The following ENKUR variants were observed in gnomAD, a reference collection of about 807,000 sequenced individuals.
ENKUR encodes the protein enkurin.
A neutral mutation model predicts 27.6 loss-of-function variants in ENKUR; 19 were observed. The ratio of observed to expected loss-of-function variants is 0.69; its 90% CI spans 0.48 to 1.01. The LOEUF is 1.01. Among genes scored for constraint, ENKUR ranks in the 50% least tolerant of loss-of-function variants. The pLI is 0.00. For missense variants in ENKUR, 312 were observed against 310.5 expected, an observed-to-expected ratio of 1.00 and a Z score of -0.04; for synonymous variants, 117 against 96.9, an observed-to-expected ratio of 1.21 and a Z score of -1.22.
intron 2 of ENKUR, chr10:25,023,072 C>A: frequency 1.4e-6 from 1 of 721,824 alleles, no homozygotes; most frequent in Non-Finnish European, 2.2e-6. Flanking sequence ...GTTTATGTAC[C>A]ATGGGCATGG....
chr10:25,058,305 T>G (rs1851282998), intron 2 of ENKUR, among the ~76,000 whole-genome samples: 1 of 152,060 alleles, frequency 6.6e-6, no homozygotes, highest in South Asian at 2.1e-4. Context: ...ACTCCTGGGT[T>G]CAAGTGATCC....
intron 5 of ENKUR, 80 bp downstream of exon 5, chr10:24,984,656 G>T: frequency 7.4e-7 from 1 of 1,345,922 alleles, no homozygotes. Flanking sequence ...TTTCCTTTTT[G>T]AAAAACTTGG....
intron 1 of ENKUR, 24 bp downstream of exon 1, chr10:25,015,836 G>A: frequency 6.3e-7 from 1 of 1,578,342 alleles, no homozygotes; most frequent in Non-Finnish European, 8.6e-7. Flanking sequence ...TGTTTCAAGT[G>A]ATAGTCTTTG....
chr10:24,987,785 T>C (rs767086880), intron 4 of ENKUR, among the ~76,000 whole-genome samples: 3 of 152,166 alleles, frequency 2.0e-5, no homozygotes, highest in African/African-American at 7.2e-5. Context: ...TTGATAGTTT[T>C]GTGACCAAAG....
In ENKUR at chr10:25,015,801, A is replaced by C; in HGVS notation, c.77+59T>G. On this transcript the variant is annotated intron_variant, in intron 1 of 5. Transcript: ENST00000331161. The stretch of plus-strand genomic sequence containing the variant: ...AAAAATTCCAGTATATGTATGCTTA[A>C]TTAATACTGAGTATTCCCCATTCTT... 9 of 1,473,074 alleles carry C rather than the reference A, an allele frequency of 6.1e-6. 1 individual carries two copies. Among genetic ancestry groups the C allele is most frequent in the Non-Finnish European group, 8.2e-6 (9 of 1,096,014 alleles). The allele number at this position is 1,473,074 out of a possible 1,614,324, so 91.3% of individuals were successfully genotyped here. A position where few individuals can be genotyped will look rare whatever the true frequency, so the allele number is the denominator to read the frequency against.
chr10:24,984,823 C>G lies in ENKUR; in HGVS notation c.677G>C (p.Arg226Pro). 1 of 1,613,578 alleles carries G rather than the reference C, an allele frequency of 6.2e-7. No homozygotes were observed. The highest frequency in any genetic ancestry group is 1.1e-5 in the South Asian group (1 of 91,034). ...VFIDSIPKKI[R>P]KQRLEEEMKQ... ...CATTTCTTCTTCCAGCCTCTGCTTG[C>G]GGATCTTCTTTGGTATAGAATCTAT... Residue 226 changes from arginine to proline, a missense_variant, in exon 5 of 6, where the codon CGC becomes CCC. Coordinates refer to ENST00000331161, the MANE Select transcript of ENKUR (RefSeq NM_145010.4).
At chr10:25,009,722 G>A (rs1850396531) in intron 1 of ENKUR, among the ~76,000 whole-genome samples, 1 of 152,126 alleles carries the variant, frequency 6.6e-6, no homozygotes, top group Admixed American at 6.5e-5. Context: ...GAATCATGGG[G>A]GTAGGTCTTT....
intron 2 of ENKUR, among the ~76,000 whole-genome samples, chr10:25,041,928 T>G (rs1309333491): frequency 6.6e-6 from 1 of 152,090 alleles, no homozygotes; most frequent in East Asian, 1.9e-4. Context: ...ATGAAACTTG[T>G]GATCCCGAAT....
At chr10:24,994,211 TTTTTTCTTTATCTCTCTTCC>T (rs1360153397) in intron 3 of ENKUR, among the ~76,000 whole-genome samples, 1 of 152,122 alleles carries the variant, frequency 6.6e-6, no homozygotes, top group Non-Finnish European at 1.5e-5. Flanking sequence ...TTTCTTTTCT[TTTTTTCTTTATCTCTCTTCC>T]TTTTTCTTTA....
At chr10:25,051,058 T>A (rs75276170) in intron 2 of ENKUR, among the ~76,000 whole-genome samples, 3,437 of 152,296 alleles carry the variant, frequency 0.023, 144 homozygotes, top group African/African-American at 0.079. Context: ...AATTATGTAT[T>A]TTATGTATCC....
At chr10:25,037,326 A>G (rs7911375) in intron 2 of ENKUR, among the ~76,000 whole-genome samples, 2,013 of 152,352 alleles carry the variant, frequency 0.013, 45 homozygotes, top group African/African-American at 0.047. Flanking sequence ...AGGTGGAACC[A>G]GAAAGCAGTT....
At chr10:25,023,109 A>G (rs1850757963) in intron 2 of ENKUR, 2 of 991,992 alleles carry the variant, frequency 2.0e-6, no homozygotes, top group South Asian at 3.4e-5. Context: ...TGGGATTTTA[A>G]CAATCTACTG....
chr10:25,027,387 A>AAAAAAAAAAAAG (rs1850876645), intron 2 of ENKUR, among the ~76,000 whole-genome samples: 2 of 139,356 alleles, frequency 1.4e-5, no homozygotes, highest in African/African-American at 2.8e-5. Flanking sequence ...AAAAAAAAAA[A>AAAAAAAAAAAAG]CTAGCCAGGC....
At chr10:25,027,040 T>C (rs1025059098) in intron 2 of ENKUR, among the ~76,000 whole-genome samples, 4 of 152,104 alleles carry the variant, frequency 2.6e-5, no homozygotes, top group Admixed American at 6.6e-5. Context: ...AAACTGCCTC[T>C]AAATATTCAC....
chr10:25,023,626 A>C, intron 2 of ENKUR: 1 of 1,614,218 alleles, frequency 6.2e-7, no homozygotes, highest in South Asian at 1.1e-5. Flanking sequence ...TACTGGGTCC[A>C]ATCCAATGCA....
At chr10:24,990,915 C>T (rs1005907005) in intron 3 of ENKUR, among the ~76,000 whole-genome samples, 1 of 152,150 alleles carries the variant, frequency 6.6e-6, no homozygotes, top group African/African-American at 2.4e-5. Flanking sequence ...GCCTGGCCAA[C>T]ATGGTGAAAC....
At chr10:25,023,415 T>A in intron 2 of ENKUR, 1 of 1,614,148 alleles carries the variant, frequency 6.2e-7, no homozygotes, top group Non-Finnish European at 8.5e-7. Flanking sequence ...TGGGACCTCC[T>A]GGTGCTGGGA....
At chr10:25,033,833 A>G (rs1255823067) in intron 2 of ENKUR, among the ~76,000 whole-genome samples, 4 of 78,880 alleles carry the variant, frequency 5.1e-5, no homozygotes, top group African/African-American at 7.2e-5. Context: ...GTGTCTATCT[A>G]TCTATCTATC....
chr10:24,999,391 T>C lies in ENKUR; in HGVS notation c.223+10A>G. The stretch of plus-strand genomic sequence containing the variant: ...TTTTAATATTAAAAATAAAGCATGA[T>C]AAAACCTACTGGGTGGTAGAGTTTT... On this transcript the variant is annotated intron_variant, in intron 2 of 5. Transcript: ENST00000331161. 1 of 1,590,174 alleles carries C rather than the reference T, an allele frequency of 6.3e-7. No individual in the cohort carries two copies. The highest frequency in any genetic ancestry group is 8.5e-7 in the Non-Finnish European group (1 of 1,173,572).
Sources: gnomAD v4.1 joint callset for allele counts (sites outside exome capture counted in the v4.1 genomes callset) on GRCh38, gnomAD v4.1.1 for gene constraint, MANE v1.5 for transcripts, NCBI Gene and HGNC (gene_info 2026-07-23, HGNC 2026-07-21) for gene names.